Variants in GSK3B observed in about 807,000 individuals in gnomAD.
The protein encoded by GSK3B is glycogen synthase kinase 3 beta, also known as glycogen synthase kinase-3 beta.
Under a neutral mutation model 56.4 loss-of-function variants are expected in GSK3B, and 15 were observed. That is an observed-to-expected ratio of 0.27 (90% confidence interval 0.18 to 0.41). GSK3B has a LOEUF of 0.41. GSK3B is among the 10% of genes least tolerant of loss of function. The pLI, the probability that GSK3B is intolerant of heterozygous loss-of-function variation, is 1.00. For synonymous variants in GSK3B, 181 were observed against 188.9 expected, an observed-to-expected ratio of 0.96 and a Z score of 0.34; for missense variants, 300 against 513.4, an observed-to-expected ratio of 0.58 and a Z score of 4.02.
chr3:119,946,785 A>AGAGCTT (rs1316617006), intron 3 of GSK3B, among the ~76,000 whole-genome samples: 8 of 152,150 alleles, frequency 5.3e-5, no homozygotes, highest in Non-Finnish European at 1.0e-4. Flanking sequence ...GCTCTGCAAT[A>AGAGCTT]TTACATCTTT....
intron 1 of GSK3B, among the ~76,000 whole-genome samples, chr3:120,020,396 C>T (rs150948198): frequency 6.6e-6 from 1 of 152,168 alleles, no homozygotes; most frequent in East Asian, 1.9e-4. Context: ...TTTATAGTAA[C>T]CCCATGTTAA....
intron 1 of GSK3B, among the ~76,000 whole-genome samples, chr3:120,064,883 C>A (rs1209353998): frequency 1.3e-5 from 2 of 152,058 alleles, no homozygotes; most frequent in Admixed American, 1.3e-4. Context: ...ATAAGAGTGC[C>A]AACACCACAC....
chr3:120,029,304 C>G, intron 1 of GSK3B: 1 of 741,530 alleles, frequency 1.3e-6, no homozygotes, highest in Non-Finnish European at 2.5e-6. Context: ...TTCTCTGCAG[C>G]GGACAATGAT....
chr3:119,861,488 G>T (rs2056100715), intron 9 of GSK3B, among the ~76,000 whole-genome samples: 1 of 150,064 alleles, frequency 6.7e-6, no homozygotes, highest in Admixed American at 6.7e-5. Flanking sequence ...TCCAGCCTGA[G>T]TGACAGAGTG....
intron 2 of GSK3B, among the ~76,000 whole-genome samples, chr3:119,967,099 G>A (rs1169437374): frequency 1.4e-5 from 2 of 148,018 alleles, no homozygotes; most frequent in Non-Finnish European, 3.0e-5. Context: ...TTTTTTTTTA[G>A]ACGGAGTCTT....
At chr3:120,069,294 A>C (rs1463466692) in intron 1 of GSK3B, among the ~76,000 whole-genome samples, 1 of 152,224 alleles carries the variant, frequency 6.6e-6, no homozygotes, top group Non-Finnish European at 1.5e-5. Context: ...AGGAAGGAAG[A>C]GAAAATTTTT....
intron 9 of GSK3B, chr3:119,843,749 G>T (rs2055813367): frequency 6.5e-6 from 1 of 153,384 alleles, no homozygotes; most frequent in South Asian, 2.0e-4. Flanking sequence ...CACATTGTCA[G>T]TATTACACAG....
At chr3:119,902,390 T>C (rs567218352) in intron 7 of GSK3B, among the ~76,000 whole-genome samples, 14 of 151,492 alleles carry the variant, frequency 9.2e-5, no homozygotes, top group Non-Finnish European at 1.8e-4. Flanking sequence ...AAGAAAAAGA[T>C]TTGATATTTA....
intron 1 of GSK3B, among the ~76,000 whole-genome samples, chr3:120,070,976 T>G (rs1159605452): frequency 6.6e-6 from 1 of 152,228 alleles, no homozygotes; most frequent in African/African-American, 2.4e-5. Context: ...TTAGACCCAG[T>G]GGAGCAAATC....
At chr3:120,067,598 C>T (rs2058291100) in intron 1 of GSK3B, among the ~76,000 whole-genome samples, 1 of 152,140 alleles carries the variant, frequency 6.6e-6, no homozygotes, top group African/African-American at 2.4e-5. Flanking sequence ...ATCAAAAAAT[C>T]ATAAGTTGAA....
At chr3:119,996,303 A>G (rs1424560677) in intron 2 of GSK3B, among the ~76,000 whole-genome samples, 1 of 152,244 alleles carries the variant, frequency 6.6e-6, no homozygotes, top group Non-Finnish European at 1.5e-5. Flanking sequence ...GACAAAAATC[A>G]TAATAAAACA....
At chr3:119,995,998 G>GCCT in intron 2 of GSK3B, among the ~76,000 whole-genome samples, 1 of 151,690 alleles carries the variant, frequency 6.6e-6, no homozygotes, top group East Asian at 1.9e-4. Flanking sequence ...TCAGCCTCCT[G>GCCT]AAGTGCTGGG....
intron 1 of GSK3B, among the ~76,000 whole-genome samples, chr3:120,024,593 T>C (rs1212069625): frequency 6.6e-6 from 1 of 152,196 alleles, no homozygotes; most frequent in Non-Finnish European, 1.5e-5. Flanking sequence ...CATCTAAGTA[T>C]TTATCAAAAC....
intron 9 of GSK3B, among the ~76,000 whole-genome samples, chr3:119,858,668 T>A (rs1305879326): frequency 2.0e-5 from 3 of 152,218 alleles, no homozygotes; most frequent in Non-Finnish European, 4.4e-5. Flanking sequence ...CATTCACAAC[T>A]TGGCAAACTG....
chr3:119,906,640 T>C (rs1453290498), intron 6 of GSK3B, among the ~76,000 whole-genome samples: 1 of 152,008 alleles, frequency 6.6e-6, no homozygotes, highest in Non-Finnish European at 1.5e-5. Context: ...AACCGTACGG[T>C]CACTCTATTT....
intron 1 of GSK3B, among the ~76,000 whole-genome samples, chr3:120,006,666 T>G (rs374004523): frequency 6.6e-6 from 1 of 152,156 alleles, no homozygotes; most frequent in East Asian, 1.9e-4. Context: ...GAATGACTAC[T>G]TGGTAAATAA....
intron 1 of GSK3B, among the ~76,000 whole-genome samples, chr3:120,007,317 A>G (rs1009036656): frequency 6.6e-6 from 1 of 152,188 alleles, no homozygotes; most frequent in Non-Finnish European, 1.5e-5. Flanking sequence ...TCACAGCCGA[A>G]TTCTACCAGA....
At chr3:119,924,267 T>A (rs2056870319) in intron 3 of GSK3B, among the ~76,000 whole-genome samples, 1 of 152,342 alleles carries the variant, frequency 6.6e-6, no homozygotes, top group South Asian at 2.1e-4. Context: ...CTTACCTTGT[T>A]CATGTGGCCA....
intron 9 of GSK3B, among the ~76,000 whole-genome samples, chr3:119,844,546 A>G (rs1331420428): frequency 6.6e-6 from 1 of 152,232 alleles, no homozygotes; most frequent in East Asian, 1.9e-4. Context: ...AGAATACTAT[A>G]AACAGCTCTA....
Sources: gnomAD v4.1 joint callset for allele counts (sites outside exome capture counted in the v4.1 genomes callset) on GRCh38, gnomAD v4.1.1 for gene constraint, MANE v1.5 for transcripts, NCBI Gene and HGNC (gene_info 2026-07-23, HGNC 2026-07-21) for gene names.